Variants in SBF2 observed in about 807,000 individuals in gnomAD.
SBF2 encodes the protein myotubularin-related protein 13.
Under a neutral mutation model 225.2 loss-of-function variants are expected in SBF2, and 112 were observed. The ratio of observed to expected loss-of-function variants is 0.50; its 90% CI spans 0.43 to 0.58. The LOEUF is 0.58. Among genes scored for constraint, SBF2 ranks in the 20% least tolerant of loss-of-function variants. The probability of loss-of-function intolerance (pLI) is 0.00; values close to 1 mark genes in which losing one functional copy is unlikely to be tolerated. For missense variants in SBF2, 1,996 were observed against 2,206.2 expected (o/e 0.90, Z 1.91); for synonymous variants, 763 against 773.3 (o/e 0.99, Z 0.22).
chr11:9,975,428 T>C (rs535472206), intron 13 of SBF2, among the ~76,000 whole-genome samples: 19 of 152,238 alleles, frequency 1.2e-4, no homozygotes, highest in Non-Finnish European at 2.6e-4. Context: ...AAGGCAAAAC[T>C]ATACAGACAA....
intron 27 of SBF2, among the ~76,000 whole-genome samples, chr11:9,829,819 A>G (rs1409327871): frequency 1.3e-5 from 2 of 152,248 alleles, no homozygotes; most frequent in African/African-American, 4.8e-5. Flanking sequence ...ATAGCTTCTC[A>G]TTATCCAAGC....
chr11:10,209,428 C>A (rs547593473), intron 1 of SBF2, among the ~76,000 whole-genome samples: 1 of 151,936 alleles, frequency 6.6e-6, no homozygotes, highest in African/African-American at 2.4e-5. Flanking sequence ...TTCTCTCAAA[C>A]GCAAACTTCC....
intron 22 of SBF2, among the ~76,000 whole-genome samples, chr11:9,849,034 G>C (rs1856741493): frequency 6.6e-6 from 1 of 152,186 alleles, no homozygotes; most frequent in African/African-American, 2.4e-5. Flanking sequence ...TTTCAAAGGA[G>C]AAAGGCACTT....
chr11:10,020,347 A>C (rs1414861268), intron 6 of SBF2, among the ~76,000 whole-genome samples: 1 of 152,142 alleles, frequency 6.6e-6, no homozygotes, highest in Non-Finnish European at 1.5e-5. Context: ...AACACACTGC[A>C]CGTGAAGCCC....
chr11:10,109,374 C>T (rs1952728478), intron 2 of SBF2, among the ~76,000 whole-genome samples: 2 of 152,212 alleles, frequency 1.3e-5, no homozygotes, highest in South Asian at 4.1e-4. Context: ...GTTTAATTCA[C>T]ATGACTAGCA....
At chr11:10,197,297 C>A (rs1396183460) in intron 1 of SBF2, among the ~76,000 whole-genome samples, 1 of 152,160 alleles carries the variant, frequency 6.6e-6, no homozygotes, top group African/African-American at 2.4e-5. Context: ...TTGGGAGATA[C>A]TGCAGGTTTG....
At position 9,798,951 on chromosome 11, in the gene SBF2, CA is replaced by C. The variant is rs11452749; in HGVS notation, c.4444-2995del. On this transcript the variant is annotated intron_variant, in intron 32 of 39. Coordinates refer to ENST00000256190, the MANE Select transcript of SBF2 (RefSeq NM_030962.4). ...TGGGCAACAGAGCAAGACTCCGTCT[CA>C]AAAAAAAAAAAAACCAAAAAACAAA... 1.8e-4 allele frequency among the ~76,000 whole-genome samples: 25 copies of C among 135,402 alleles called. 1 individual carries two copies. The highest frequency in any genetic ancestry group is 1.7e-3 in the East Asian group (8 of 4,672). 88.8% of individuals were successfully genotyped at this position (135,402 alleles called of 152,430 possible).
chr11:10,131,897 G>A (rs1954078191), intron 2 of SBF2, among the ~76,000 whole-genome samples: 1 of 152,114 alleles, frequency 6.6e-6, no homozygotes, highest in Non-Finnish European at 1.5e-5. Context: ...TATAGATCAT[G>A]TTTCTTGTGT....
At chr11:10,299,632 C>A (rs1240163283) in intron 1 of SBF2, among the ~76,000 whole-genome samples, 2 of 151,758 alleles carry the variant, frequency 1.3e-5, no homozygotes, top group African/African-American at 2.4e-5. Context: ...GTGGGCTCTT[C>A]TGAGAGCAGG....
At chr11:10,099,050 C>T (rs968021269) in intron 2 of SBF2, among the ~76,000 whole-genome samples, 10 of 152,064 alleles carry the variant, frequency 6.6e-5, no homozygotes, top group Non-Finnish European at 1.2e-4. Flanking sequence ...CAAAAGGCTT[C>T]TTTAGATAAA....
chr11:10,006,049 G>A (rs961494632), intron 6 of SBF2, among the ~76,000 whole-genome samples: 4 of 152,128 alleles, frequency 2.6e-5, no homozygotes, highest in African/African-American at 7.2e-5. Flanking sequence ...TGCAATGTCT[G>A]GGGTTTCCTC....
chr11:9,931,912 C>T (rs1377631092), intron 16 of SBF2, among the ~76,000 whole-genome samples: 1 of 152,118 alleles, frequency 6.6e-6, no homozygotes, highest in Non-Finnish European at 1.5e-5. Context: ...CTAACTAGAA[C>T]AAACAGTATA....
chr11:9,964,351 C>T (rs1866766609), intron 14 of SBF2, among the ~76,000 whole-genome samples: 1 of 152,098 alleles, frequency 6.6e-6, no homozygotes, highest in Admixed American at 6.6e-5. Context: ...ATTACATGTT[C>T]CAGTGTTGAA....
At chr11:9,784,479 C>T (rs369845845) in intron 37 of SBF2, 41 bp from the exon 38 acceptor site, 1 of 1,442,712 alleles carries the variant, frequency 6.9e-7, no homozygotes, top group Non-Finnish European at 9.8e-7. Context: ...TTGATTTACA[C>T]TTACAAAATG....
chr11:10,240,061 T>C (rs948210727), intron 1 of SBF2, among the ~76,000 whole-genome samples: 9 of 152,118 alleles, frequency 5.9e-5, no homozygotes, highest in Admixed American at 1.3e-4. Context: ...TTGGTAGTTA[T>C]ATCCAAAAAC....
intron 22 of SBF2, 46 bp downstream of exon 22, chr11:9,849,977 A>G (rs994084879): frequency 2.6e-6 from 4 of 1,548,664 alleles, no homozygotes; most frequent in Non-Finnish European, 3.6e-6. Flanking sequence ...TCGAGACCTC[A>G]TGTACCACAC....
At chr11:9,810,492 T>C (rs1404069691) in intron 30 of SBF2, 1 of 152,228 alleles carries the variant, frequency 6.6e-6, no homozygotes, top group Non-Finnish European at 1.5e-5. Flanking sequence ...AGACATAATT[T>C]GCAATTTGAA....
At chr11:9,894,073 C>CT (rs1398013351) in intron 17 of SBF2, among the ~76,000 whole-genome samples, 1 of 151,876 alleles carries the variant, frequency 6.6e-6, no homozygotes, top group Non-Finnish European at 1.5e-5. Flanking sequence ...TGATGAAACT[C>CT]TGTCTCTACA....
At chr11:10,048,575 T>C (rs894729605) in intron 2 of SBF2, among the ~76,000 whole-genome samples, 5 of 152,192 alleles carry the variant, frequency 3.3e-5, no homozygotes, top group African/African-American at 1.2e-4. Context: ...CAGACATGTA[T>C]TTGGCAGACA....
Sources: gnomAD v4.1 joint callset for allele counts (sites outside exome capture counted in the v4.1 genomes callset) on GRCh38, gnomAD v4.1.1 for gene constraint, MANE v1.5 for transcripts, NCBI Gene and HGNC (gene_info 2026-07-23, HGNC 2026-07-21) for gene names.